The following WWOX variants were observed in gnomAD, a reference collection of about 807,000 sequenced individuals.
The protein encoded by WWOX is WW domain containing oxidoreductase.
In WWOX, 69 loss-of-function variants were observed where a neutral mutation model predicts 46.2. The observed-to-expected ratio is 1.49, with a 90% CI of 1.23 to 1.82. WWOX has a LOEUF of 1.82. Among genes scored for constraint, WWOX ranks in the 40% most tolerant of loss-of-function variants. The pLI is 0.00. For synonymous variants in WWOX, 359 were observed against 202.6 expected (o/e 1.77, Z -6.56); for missense variants, 919 against 542.6 (o/e 1.69, Z -6.89).
At chr16:79,043,442 A>G (rs2048009634) in intron 8 of WWOX, among the ~76,000 whole-genome samples, 1 of 152,244 alleles carries the variant, frequency 6.6e-6, no homozygotes, top group Non-Finnish European at 1.5e-5. Flanking sequence ...AACTGAACTC[A>G]ACTTAAAATA....
At chr16:78,702,044 T>TATA (rs1419045896) in intron 8 of WWOX, among the ~76,000 whole-genome samples, 1 of 109,980 alleles carries the variant, frequency 9.1e-6, no homozygotes, top group African/African-American at 3.8e-5. Flanking sequence ...TATATATATA[T>TATA]AAAATAATGC....
chr16:78,316,259 G>T (rs1392932446), intron 5 of WWOX, among the ~76,000 whole-genome samples: 1 of 152,124 alleles, frequency 6.6e-6, no homozygotes, highest in African/African-American at 2.4e-5. Context: ...TGGCACTGCA[G>T]CAAACAGCAT....
intron 8 of WWOX, among the ~76,000 whole-genome samples, chr16:79,085,422 T>C (rs1156321874): frequency 6.6e-6 from 1 of 152,210 alleles, no homozygotes; most frequent in Non-Finnish European, 1.5e-5. Flanking sequence ...TGCTGAGCTT[T>C]GAAAAAGAGC....
rs1205069043 is a variant in WWOX, at chr16:78,278,536, A to G, written c.517-108324A>G. 3 of 1,479,412 alleles carry G rather than the reference A, an allele frequency of 2.0e-6. No homozygotes were observed. In the South Asian group the frequency reaches 3.8e-5, roughly 19 times the overall value. 91.6% of individuals were successfully genotyped at this position (1,479,412 alleles called of 1,614,324 possible). A position where few individuals can be genotyped will look rare whatever the true frequency, so the allele number is the denominator to read the frequency against. On this transcript the variant is annotated intron_variant, in intron 5 of 8. Transcript: ENST00000566780. The stretch of plus-strand genomic sequence containing the variant: ...CAAAAACTTATCTTTGGAATGCTTC[A>G]AGAAACAGTTCTATGTTGTTCTCAT...
chr16:78,586,116 G>A (rs970448328), intron 8 of WWOX, among the ~76,000 whole-genome samples: 1 of 152,074 alleles, frequency 6.6e-6, no homozygotes, highest in African/African-American at 2.4e-5. Flanking sequence ...CAACACTTTG[G>A]GAGGCTGAGG....
intron 8 of WWOX, among the ~76,000 whole-genome samples, chr16:79,066,975 G>C (rs972161870): frequency 6.6e-6 from 1 of 152,146 alleles, no homozygotes; most frequent in African/African-American, 2.4e-5. Context: ...GCAGAGATAT[G>C]AACTATCTCT....
chr16:78,476,309 G>T (rs2084347472), intron 8 of WWOX, among the ~76,000 whole-genome samples: 1 of 152,096 alleles, frequency 6.6e-6, no homozygotes, highest in Non-Finnish European at 1.5e-5. Flanking sequence ...TCGCCCACTT[G>T]GGTGGATGAA....
chr16:78,691,241 G>C lies in WWOX; in HGVS notation c.1056+258489G>C, dbSNP rs556961940. On this transcript the variant is annotated intron_variant, in intron 8 of 8. Transcript: ENST00000566780. ...TATGCTTCTCTTGTTTGTGATTCCA[G>C]GTTTCAGACTGCCTGGTAGAAGGAG... The C allele has an allele frequency of 1.8e-4, 127 of 702,164 alleles. 1 individual carries two copies. The highest frequency in any genetic ancestry group is 1.7e-3 in the South Asian group (113 of 67,536). 43.5% of individuals were successfully genotyped at this position (702,164 alleles called of 1,614,324 possible). A position where few individuals can be genotyped will look rare whatever the true frequency, so the allele number is the denominator to read the frequency against.
intron 8 of WWOX, among the ~76,000 whole-genome samples, chr16:78,646,773 A>G (rs1171948975): frequency 6.6e-6 from 1 of 152,186 alleles, no homozygotes; most frequent in Non-Finnish European, 1.5e-5. Flanking sequence ...CTCCTTCTAG[A>G]ACTAGAACAT....
At chr16:78,896,717 T>C (rs1432817122) in intron 8 of WWOX, 1 of 151,820 alleles carries the variant, frequency 6.6e-6, no homozygotes. Flanking sequence ...GTTTTACTAA[T>C]ATAAAATTGG....
At chr16:78,320,755 G>A (rs1352911918) in intron 5 of WWOX, among the ~76,000 whole-genome samples, 7 of 152,176 alleles carry the variant, frequency 4.6e-5, no homozygotes, top group South Asian at 2.1e-4. Flanking sequence ...CTGTTTTGCA[G>A]AAGATGGTAT....
At chr16:78,726,071 T>TCCCTCCCTCCCTCTTCCTCCCTCCC (rs2048824545) in intron 8 of WWOX, among the ~76,000 whole-genome samples, 4 of 96,656 alleles carry the variant, frequency 4.1e-5, no homozygotes, top group Admixed American at 1.1e-4. Context: ...CCTGCTTCCC[T>TCCCTCCCTCCCTCTTCCTCCCTCCC]TCCCTCCCTC....
At chr16:79,118,499 A>G (rs2049563762) in intron 8 of WWOX, among the ~76,000 whole-genome samples, 1 of 152,202 alleles carries the variant, frequency 6.6e-6, no homozygotes, top group Non-Finnish European at 1.5e-5. Flanking sequence ...CATTGGAAAA[A>G]TGGTGCCGAT....
intron 8 of WWOX, among the ~76,000 whole-genome samples, chr16:78,635,990 C>G (rs144983234): frequency 0.011 from 1,683 of 152,224 alleles, 10 homozygotes; most frequent in Admixed American, 0.017. Flanking sequence ...TAATACAATT[C>G]CGTAACTCAT....
intron 8 of WWOX, among the ~76,000 whole-genome samples, chr16:78,996,762 C>G (rs1035410811): frequency 2.6e-5 from 4 of 152,156 alleles, no homozygotes; most frequent in Non-Finnish European, 4.4e-5. Context: ...CCAACTGTTC[C>G]CTTCCCGCTT....
At chr16:78,158,336 T>A (rs2034672935) in intron 4 of WWOX, among the ~76,000 whole-genome samples, 1 of 152,180 alleles carries the variant, frequency 6.6e-6, no homozygotes, top group Non-Finnish European at 1.5e-5. Flanking sequence ...TCTAGTAGAA[T>A]TGACTACTTT....
At chr16:78,717,038 A>T (rs1351410158) in intron 8 of WWOX, among the ~76,000 whole-genome samples, 3 of 152,196 alleles carry the variant, frequency 2.0e-5, no homozygotes, top group Admixed American at 2.0e-4. Flanking sequence ...AACAGAAAGT[A>T]ATGTTTTCTC....
intron 8 of WWOX, among the ~76,000 whole-genome samples, chr16:78,827,676 T>TACA (rs554801099): frequency 6.6e-5 from 9 of 136,520 alleles, no homozygotes; most frequent in South Asian, 2.3e-4. Context: ...CTACTAAAAA[T>TACA]AAAAAAAAAA....
At chr16:78,122,633 C>T (rs376792752) in intron 4 of WWOX, among the ~76,000 whole-genome samples, 1 of 150,612 alleles carries the variant, frequency 6.6e-6, no homozygotes, top group East Asian at 1.9e-4. Context: ...GAGACGGTGC[C>T]TTGCTCTGTC....
Sources: gnomAD v4.1 joint callset for allele counts (sites outside exome capture counted in the v4.1 genomes callset) on GRCh38, gnomAD v4.1.1 for gene constraint, MANE v1.5 for transcripts, NCBI Gene and HGNC (gene_info 2026-07-23, HGNC 2026-07-21) for gene names.